ZNF280B: variants seen among roughly 807,000 people sequenced by gnomAD.
The protein encoded by ZNF280B is suppressor of hairy wing homolog 2.
A neutral mutation model predicts 38.0 loss-of-function variants in ZNF280B; 16 were observed. The ratio of observed to expected loss-of-function variants is 0.42; its 90% confidence interval spans 0.28 to 0.64. The LOEUF is 0.64. Ranked by LOEUF, ZNF280B falls within the 30% of genes least tolerant of loss-of-function variation. The pLI is 0.21. For missense variants in ZNF280B, 581 were observed against 639.6 expected (o/e 0.91, Z 0.99); for synonymous variants, 253 against 230.6 (o/e 1.10, Z -0.88).
chr22:22,487,034 T>C lies in ZNF280B; in HGVS notation c.*733A>G, dbSNP rs994026637. On this transcript the variant is annotated 3_prime_UTR_variant, in exon 4 of 4. Transcript: ENST00000626650. ...ATTCCAGTCTGACTAGAGTTAACCA[T>C]GAAATGCTGAATGCATGGAAAAAGC... The C allele has an allele frequency of 2.0e-5, 3 of 151,974 alleles. No homozygotes were observed. The highest frequency in any genetic ancestry group is 2.1e-4 in the South Asian group (1 of 4,812). 9.4% of individuals were successfully genotyped at this position (151,974 alleles called of 1,614,324 possible). A position where few individuals can be genotyped will look rare whatever the true frequency, so the allele number is the denominator to read the frequency against.
At chr22:22,496,871 G>A (rs1469148610) in intron 2 of ZNF280B, among the ~76,000 whole-genome samples, 1 of 148,772 alleles carries the variant, frequency 6.7e-6, no homozygotes, top group Non-Finnish European at 1.5e-5. Flanking sequence ...AGGCTGGAGT[G>A]CAGTGCCGTG....
intron 3 of ZNF280B, among the ~76,000 whole-genome samples, chr22:22,489,775 T>C (rs1411922954): frequency 6.6e-6 from 1 of 151,930 alleles, no homozygotes; most frequent in East Asian, 2.0e-4. Flanking sequence ...TTTAGAAACA[T>C]GGGCTTTGGA....
chr22:22,498,454 ATC>A (rs1267739722), intron 2 of ZNF280B, among the ~76,000 whole-genome samples: 1 of 151,990 alleles, frequency 6.6e-6, no homozygotes, highest in Non-Finnish European at 1.5e-5. Context: ...ATGAAAAATT[ATC>A]TGTCAACAAA....
chr22:22,495,761 T>C, intron 2 of ZNF280B, among the ~76,000 whole-genome samples: 1 of 151,868 alleles, frequency 6.6e-6, no homozygotes, highest in South Asian at 2.1e-4. Context: ...CTTGGTTTAA[T>C]AGTTACTCCC....
intron 2 of ZNF280B, among the ~76,000 whole-genome samples, chr22:22,503,231 T>G (rs1038318574): frequency 1.3e-5 from 2 of 151,942 alleles, no homozygotes; most frequent in Non-Finnish European, 2.9e-5. Flanking sequence ...TATGGAAAAG[T>G]AATATAGGGA....
intron 2 of ZNF280B, among the ~76,000 whole-genome samples, chr22:22,502,983 G>A (rs1236576470): frequency 6.6e-6 from 1 of 151,998 alleles, no homozygotes; most frequent in African/African-American, 2.4e-5. Flanking sequence ...AAAAGGTGAT[G>A]TGAAGACAGA....
rs1334642327 is a variant in ZNF280B at position 22,488,699 on chromosome 22, G to T, written c.700C>A (p.Pro234Thr). The T allele has an allele frequency of 6.2e-7, 1 of 1,613,708 alleles. No individual in the cohort carries two copies. Among genetic ancestry groups the T allele is most frequent in the Non-Finnish European group, 8.5e-7 (1 of 1,179,974 alleles). The change falls in exon 4 of 4, where the codon CCT (proline) becomes ACT (threonine). Residue 234 changes from proline to threonine, a missense_variant. Transcript: ENST00000626650. The stretch of plus-strand genomic sequence containing the variant: ...TCCTTTGGAAAAGCTGCTGGAAAAG[G>T]TGCTCCATTCTGAACATGGCTTAAT... ...TSLSHVQNGA[P>T]FPAAFPKDNI... is the part of the protein sequence containing the mutation.
intron 2 of ZNF280B, among the ~76,000 whole-genome samples, chr22:22,506,049 C>G (rs1447786980): frequency 3.6e-5 from 4 of 110,344 alleles, no homozygotes; most frequent in Non-Finnish European, 7.3e-5. Flanking sequence ...AGAAGGCCCA[C>G]AAGGTTCATT....
rs202174242 is a variant in ZNF280B, at chr22:22,488,890, C to A, written c.509G>T (p.Arg170Leu). Residue 170 changes from arginine to leucine, a missense_variant, in exon 4 of 4, where the codon CGT becomes CTT. Transcript: ENST00000626650. ...LSVGGINESP[R>L]VSKQLSTFEV... is the part of the protein sequence containing the mutation. ...GAAAGTGGAAAGTTGCTTTGATACA[C>A]GAGGACTTTCATTTATACCTCCTAC... 4 of 1,613,628 alleles carry A rather than the reference C, an allele frequency of 2.5e-6. No individual in the cohort carries two copies. The Admixed American group carries it at 5.0e-5, about 20-fold the overall frequency.
Position 22,496,251 on chromosome 22 carries a change from C to T in ZNF280B, c.-186-2071G>A, listed in dbSNP as rs2061692375. 2.0e-5 allele frequency among the ~76,000 whole-genome samples: 3 copies of T among 151,348 alleles called. No homozygotes were observed. The South Asian group carries it at 6.3e-4, about 32-fold the overall frequency. ...AGCTGGGACTATAGGTGTGCGCCAC[C>T]ATGCCTGGTTAATTTTTTGTATTTT... On this transcript the variant is annotated intron_variant, in intron 2 of 3. Coordinates refer to ENST00000626650, the MANE Select transcript of ZNF280B (RefSeq NM_080764.4).
At chr22:22,506,364 A>G (rs998189089) in intron 2 of ZNF280B, among the ~76,000 whole-genome samples, 6 of 151,874 alleles carry the variant, frequency 4.0e-5, no homozygotes, top group Admixed American at 6.6e-5. Flanking sequence ...AGAATTGAGA[A>G]AGAGAAGCAT....
At chr22:22,503,323 G>C (rs1569184956) in intron 2 of ZNF280B, among the ~76,000 whole-genome samples, 2 of 152,022 alleles carry the variant, frequency 1.3e-5, no homozygotes, top group Non-Finnish European at 2.9e-5. Flanking sequence ...GTACAATTTT[G>C]TAAGTATATA....
chr22:22,487,898 C>G lies in ZNF280B; in HGVS notation c.1501G>C (p.Val501Leu). Residue 501 changes from valine to leucine, a missense_variant, in exon 4 of 4, where the codon GTT (valine) becomes CTT (leucine). Val to Leu is a conservative substitution (Grantham distance 32, BLOSUM62 1). Transcript: ENST00000626650. ...QLEGLPPETK[V>L]TIQVSLEPLQ... ...GGTTCCAGCGACACTTGAATAGTAA[C>G]TTTTGTTTCAGGAGGTAATCCTTCT... 1 of 1,613,842 alleles carries G rather than the reference C, an allele frequency of 6.2e-7. No individual in the cohort carries two copies. The highest frequency in any genetic ancestry group is 8.5e-7 in the Non-Finnish European group (1 of 1,179,952).
chr22:22,509,013 T>G (rs1274192885), upstream of ZNF280B: 1 of 154,200 alleles, frequency 6.5e-6, no homozygotes, highest in East Asian at 2.0e-4. Flanking sequence ...TGAGGGGGTA[T>G]CCAAGCAGTC....
rs922241000 is a variant in ZNF280B at position 22,489,181 on chromosome 22, T to C, written c.218A>G (p.Lys73Arg). The change falls in exon 4 of 4, where the codon AAA becomes AGA. Residue 73 changes from lysine to arginine, a missense_variant. Lys to Arg is a conservative substitution (Grantham distance 26, BLOSUM62 2). Transcript: ENST00000626650. ...ATCTTTTCTAAGGTGATCATACTTT[T>C]TTCTCCTTGACCATGAACCCGGGGT... is the stretch of plus-strand genomic sequence containing the variant. ...RVTPGSWSRR[K>R]KYDHLRKDTA... is the part of the protein sequence containing the mutation. 7 of 1,613,724 alleles carry C rather than the reference T, an allele frequency of 4.3e-6. No homozygotes were observed. Among genetic ancestry groups the C allele is most frequent in the African/African-American group, 2.7e-5 (2 of 74,844 alleles).
intron 2 of ZNF280B, among the ~76,000 whole-genome samples, chr22:22,501,282 C>G (rs182237499): frequency 6.6e-6 from 1 of 151,790 alleles, no homozygotes; most frequent in East Asian, 2.0e-4. Flanking sequence ...AAAACAGGCC[C>G]CAATCGGCAT....
chr22:22,504,421 C>T (rs1400245198), intron 2 of ZNF280B, among the ~76,000 whole-genome samples: 1 of 141,748 alleles, frequency 7.1e-6, no homozygotes, highest in African/African-American at 2.6e-5. Flanking sequence ...AGCAAGACTC[C>T]GTCTGAAAAA....
chr22:22,488,668 A>G lies in ZNF280B; in HGVS notation c.731T>C (p.Ile244Thr). 6.2e-7 allele frequency: 1 copy of G among 1,613,812 alleles called. No individual in the cohort carries two copies. The highest frequency in any genetic ancestry group is 8.5e-7 in the Non-Finnish European group (1 of 1,179,964). Residue 244 changes from isoleucine to threonine, a missense_variant, in exon 4 of 4, where the codon ATC becomes ACC. Transcript: ENST00000626650. ...PFPAAFPKDN[I>T]HFKPINTNLD... ...ATTTGTATTTATAGGCTTGAAATGG[A>G]TATTGTCCTTTGGAAAAGCTGCTGG...
At chr22:22,491,452 TTTTTC>T (rs1162361285) in intron 3 of ZNF280B, among the ~76,000 whole-genome samples, 3 of 79,690 alleles carry the variant, frequency 3.8e-5, no homozygotes, top group Non-Finnish European at 6.2e-5. Flanking sequence ...TTTCTTGTCT[TTTTTC>T]TTTTTTTTTT....
Sources: allele counts gnomAD v4.1 joint callset (sites outside exome capture counted in the v4.1 genomes callset), GRCh38; gene constraint gnomAD v4.1.1; transcripts MANE v1.5; gene names NCBI Gene and HGNC (gene_info 2026-07-23, HGNC 2026-07-21).